PARD3B: variants seen among roughly 807,000 people sequenced by gnomAD.
The protein encoded by PARD3B is partitioning defective 3 homolog B.
In PARD3B, 103 loss-of-function variants were observed where a neutral mutation model predicts 130.2. The observed-to-expected ratio is 0.79, with a 90% CI of 0.67 to 0.93. The LOEUF (loss-of-function observed/expected upper bound fraction) is 0.93. Among genes scored for constraint, PARD3B ranks in the 40% least tolerant of loss-of-function variants. The probability of loss-of-function intolerance (pLI) is 0.00; values close to 1 mark genes in which losing one functional copy is unlikely to be tolerated. For synonymous variants in PARD3B, 583 were observed against 553.2 expected, an observed-to-expected ratio of 1.05 and a Z score of -0.76; for missense variants, 1,609 against 1,499.2, an observed-to-expected ratio of 1.07 and a Z score of -1.21.
At chr2:205,435,705 A>G (rs1575015860) in intron 19 of PARD3B, among the ~76,000 whole-genome samples, 2 of 152,234 alleles carry the variant, frequency 1.3e-5, no homozygotes, top group South Asian at 4.1e-4. Flanking sequence ...AGAAGGGTGA[A>G]AATAAAGATA....
intron 15 of PARD3B, among the ~76,000 whole-genome samples, chr2:205,197,350 TC>T (rs1362101607): frequency 6.6e-6 from 1 of 152,210 alleles, no homozygotes; most frequent in East Asian, 1.9e-4. Flanking sequence ...AATCTTCGAT[TC>T]TTTTTCAATG....
intron 1 of PARD3B, among the ~76,000 whole-genome samples, chr2:204,659,142 A>G (rs2035723786): frequency 6.6e-6 from 1 of 152,154 alleles, no homozygotes; most frequent in South Asian, 2.1e-4. Flanking sequence ...GCTGTACTGA[A>G]TGTTATCAGA....
At chr2:205,604,689 G>T (rs1349004212) in intron 22 of PARD3B, among the ~76,000 whole-genome samples, 1 of 152,120 alleles carries the variant, frequency 6.6e-6, no homozygotes, top group African/African-American at 2.4e-5. Context: ...GTGTCTTGGG[G>T]TTGATCTTCT....
chr2:205,321,049 A>G lies in PARD3B; in HGVS notation c.2630+19348A>G, dbSNP rs2042735849. On this transcript the variant is annotated intron_variant, in intron 18 of 22. Coordinates refer to ENST00000406610, the MANE Select transcript of PARD3B (RefSeq NM_001302769.2). This position sits in a 1 kb window ranked among gnomAD's most constrained non-coding sequence, Gnocchi z 4.2. ...TCCATAGTTCTCCCTACCTTCTCTGAAAATCTTGCTTTCTAGCCTAACAAT... is the reference window on the plus strand; with the variant it reads ...TCCATAGTTCTCCCTACCTTCTCTGGAAATCTTGCTTTCTAGCCTAACAAT... Among the ~76,000 whole-genome samples, 1 of 152,208 alleles carries G rather than the reference A, an allele frequency of 6.6e-6. No homozygotes were observed. Among genetic ancestry groups the G allele is most frequent in the African/African-American group, 2.4e-5 (1 of 41,450 alleles).
chr2:205,350,536 TTG>T (rs761379855), intron 18 of PARD3B, among the ~76,000 whole-genome samples: 16 of 152,390 alleles, frequency 1.0e-4, no homozygotes, highest in Non-Finnish European at 2.2e-4. Context: ...AGTACTATTT[TTG>T]TGTCAGATTC....
intron 2 of PARD3B, among the ~76,000 whole-genome samples, chr2:204,933,878 C>A (rs2125783315): frequency 6.6e-6 from 1 of 152,276 alleles, no homozygotes; most frequent in Admixed American, 6.5e-5. Context: ...TTGTGGATTA[C>A]TCTCCCTTAT....
chr2:205,533,976 A>G (rs2051721370), intron 21 of PARD3B, among the ~76,000 whole-genome samples: 1 of 151,186 alleles, frequency 6.6e-6, no homozygotes, highest in South Asian at 2.1e-4. Flanking sequence ...ATTTACAAAG[A>G]CTTCCCATTC....
At chr2:205,546,550 C>T (rs1016448454) in intron 21 of PARD3B, among the ~76,000 whole-genome samples, 1 of 152,130 alleles carries the variant, frequency 6.6e-6, no homozygotes, top group African/African-American at 2.4e-5. Context: ...ATTTCTGAGC[C>T]TTGTTGAGCA....
At chr2:205,401,591 A>G (rs1038318068) in intron 19 of PARD3B, among the ~76,000 whole-genome samples, 19 of 152,152 alleles carry the variant, frequency 1.2e-4, no homozygotes, top group Non-Finnish European at 2.5e-4. Flanking sequence ...TTATTAGGCT[A>G]TCAGCAAGCT....
chr2:205,368,011 A>C (rs1273038442), intron 18 of PARD3B, among the ~76,000 whole-genome samples: 1 of 152,212 alleles, frequency 6.6e-6, no homozygotes, highest in African/African-American at 2.4e-5. Context: ...AAAAATGGGG[A>C]AGCAACCTAA....
At chr2:205,611,303 A>G (rs1477906636) in intron 22 of PARD3B, among the ~76,000 whole-genome samples, 4 of 152,162 alleles carry the variant, frequency 2.6e-5, no homozygotes, top group African/African-American at 9.7e-5. Flanking sequence ...CCCTTTCCCT[A>G]TACAGAATTG....
At chr2:205,289,904 G>A (rs2041540275) in intron 16 of PARD3B, among the ~76,000 whole-genome samples, 1 of 152,034 alleles carries the variant, frequency 6.6e-6, no homozygotes, top group African/African-American at 2.4e-5. Context: ...TACCAGATGT[G>A]GCCCCTAAAC....
intron 20 of PARD3B, among the ~76,000 whole-genome samples, chr2:205,459,107 T>C (rs993702316): frequency 2.0e-5 from 3 of 152,190 alleles, no homozygotes; most frequent in Non-Finnish European, 4.4e-5. Context: ...TCTTTGCCAC[T>C]GCACTCTGCT....
At chr2:205,510,534 A>G (rs976965173) in intron 21 of PARD3B, among the ~76,000 whole-genome samples, 2 of 152,170 alleles carry the variant, frequency 1.3e-5, no homozygotes, top group Non-Finnish European at 2.9e-5. Context: ...CCAAAGGTCA[A>G]TATCTATTTC....
chr2:205,422,127 G>A (rs1261308180), intron 19 of PARD3B, among the ~76,000 whole-genome samples: 1 of 152,218 alleles, frequency 6.6e-6, no homozygotes, highest in East Asian at 1.9e-4. Context: ...AGATGGGGCT[G>A]GGAAGAATGC....
At chr2:205,480,461 G>C (rs1200990716) in intron 20 of PARD3B, among the ~76,000 whole-genome samples, 1 of 152,154 alleles carries the variant, frequency 6.6e-6, no homozygotes, top group African/African-American at 2.4e-5. Context: ...CTCTTCATTG[G>C]TTTGTGTATT....
chr2:205,194,523 A>G (rs2036564297), intron 15 of PARD3B, among the ~76,000 whole-genome samples: 1 of 152,220 alleles, frequency 6.6e-6, no homozygotes, highest in African/African-American at 2.4e-5. Context: ...TCATTTTCAT[A>G]GAGTGCTTGA....
In PARD3B at chr2:205,222,249, G is replaced by A. The variant is rs149571243; in HGVS notation, c.2141-23529G>A. Among the ~76,000 whole-genome samples, 933 of 152,038 alleles carry A rather than the reference G, an allele frequency of 6.1e-3. 12 individuals carry two copies. The highest frequency in any genetic ancestry group is 0.021 in the African/African-American group (877 of 41,480). ...ATGAAATTCTACTTTAGTAGATAGT[G>A]TTAAGTAGTAGAAATATGTAGTTCT... On this transcript the variant is annotated intron_variant, in intron 15 of 22. Transcript: ENST00000406610.
chr2:205,104,403 C>T (rs1315926716), intron 4 of PARD3B, 23 bp from the exon 5 acceptor site: 23 of 1,512,052 alleles, frequency 1.5e-5, no homozygotes, highest in Non-Finnish European at 2.1e-5. Flanking sequence ...GCATCACATG[C>T]TTATGACTTT....
Sources: allele counts gnomAD v4.1 joint callset (sites outside exome capture counted in the v4.1 genomes callset), GRCh38; gene constraint gnomAD v4.1.1; non-coding constraint Gnocchi (gnomAD v3.1); transcripts MANE v1.5; gene names NCBI Gene and HGNC (gene_info 2026-07-23, HGNC 2026-07-21).